SCN4B: variants seen among roughly 807,000 people sequenced by gnomAD.
SCN4B encodes sodium channel regulatory subunit beta-4.
In SCN4B, 20 loss-of-function variants were observed where a neutral mutation model predicts 19.6. The observed-to-expected ratio is 1.02, with a 90% CI of 0.72 to 1.48. The LOEUF (loss-of-function observed/expected upper bound fraction) is 1.48. SCN4B is among the 40% of genes most tolerant of loss of function. The pLI is 0.00. For synonymous variants in SCN4B, 127 were observed against 122.8 expected, an observed-to-expected ratio of 1.03 and a Z score of -0.22; for missense variants, 271 against 287.5, an observed-to-expected ratio of 0.94 and a Z score of 0.42.
At position 118,133,450 on chromosome 11, in the gene SCN4B, G is replaced by T; in HGVS notation, c.*3577C>A. On this transcript the variant is annotated 3_prime_UTR_variant, in exon 5 of 5. Coordinates refer to ENST00000324727, the MANE Select transcript of SCN4B (RefSeq NM_174934.4). ...CTACAATGCAAAACTTGTTGTAGAG[G>T]CCAGACTGATTATATCCGTTCTGTG... 1 of 449,620 alleles carries T rather than the reference G, an allele frequency of 2.2e-6. No homozygotes were observed. Among genetic ancestry groups the T allele is most frequent in the African/African-American group, 2.0e-5 (1 of 49,988 alleles). 27.9% of individuals were successfully genotyped at this position (449,620 alleles called of 1,614,324 possible). A position where few individuals can be genotyped will look rare whatever the true frequency, so the allele number is the denominator to read the frequency against.
In SCN4B at chr11:118,152,280, C is replaced by T. The variant is rs555417560; in HGVS notation, c.61+333G>A. ...TATCCCCTGCACTCAAGGCACGGAC[C>T]CCCCTCCTCCAGCATCCTGAACCTC... On this transcript the variant is annotated intron_variant, in intron 1 of 4. Transcript: ENST00000324727. 3.0e-3 allele frequency among the ~76,000 whole-genome samples: 450 copies of T among 152,256 alleles called. 4 individuals carry two copies. The highest frequency in any genetic ancestry group is 0.02 in the Middle Eastern group (6 of 294).
In SCN4B at chr11:118,137,137, A is replaced by C; in HGVS notation, c.594-17T>G. 1 of 1,580,650 alleles carries C rather than the reference A, an allele frequency of 6.3e-7. No homozygotes were observed. Among genetic ancestry groups the C allele is most frequent in the Non-Finnish European group, 8.7e-7 (1 of 1,149,664 alleles). ...CACTCCTTCCTGGAGAGGGAGAGAG[A>C]AGGGACAGTGGTGAGGAGAGGAGCA... On this transcript the variant is annotated splice_polypyrimidine_tract_variant and intron_variant, in intron 4 of 4. Transcript: ENST00000324727.
rs1289023010 is a variant in SCN4B at position 118,133,941 on chromosome 11, C to T, written c.*3086G>A. On this transcript the variant is annotated 3_prime_UTR_variant, in exon 5 of 5. Coordinates refer to ENST00000324727, the MANE Select transcript of SCN4B (RefSeq NM_174934.4). The stretch of plus-strand genomic sequence containing the variant: ...CCTCAAATGTCCAGCATCTGCCCAT[C>T]ATGCATCACCCCTTACATGCAGAGC... The T allele has an allele frequency of 2.2e-6, 1 of 454,486 alleles. No individual in the cohort carries two copies. The highest frequency in any genetic ancestry group is 4.4e-6 in the Non-Finnish European group (1 of 226,810). The allele number at this position is 454,486 out of a possible 1,614,324, so 28.2% of individuals were successfully genotyped here.
intron 4 of SCN4B, among the ~76,000 whole-genome samples, chr11:118,139,888 CTTTTTTTTT>C (rs5795120): frequency 1.4e-5 from 2 of 139,742 alleles, no homozygotes; most frequent in African/African-American, 5.3e-5. Context: ...TCTAGCATTC[CTTTTTTTTT>C]TTTCTTTTTT....
intron 1 of SCN4B, chr11:118,145,594 C>G (rs1948162622): frequency 3.3e-6 from 2 of 599,248 alleles, no homozygotes; most frequent in East Asian, 1.3e-4. Context: ...CGCACCCACT[C>G]CAGGACGCGC....
intron 3 of SCN4B, chr11:118,141,723 G>C: frequency 3.5e-6 from 1 of 289,552 alleles, no homozygotes; most frequent in Non-Finnish European, 6.7e-6. Flanking sequence ...AAAAAATTAA[G>C]AACCTCCCTA....
At chr11:118,142,556 C>T (rs1690191052) in intron 3 of SCN4B, among the ~76,000 whole-genome samples, 1 of 152,126 alleles carries the variant, frequency 6.6e-6, no homozygotes, top group African/African-American at 2.4e-5. Context: ...TTGGTATCTC[C>T]ATACACAGAA....
intron 1 of SCN4B, among the ~76,000 whole-genome samples, chr11:118,151,801 G>A (rs1948235169): frequency 1.3e-5 from 2 of 152,332 alleles, no homozygotes; most frequent in South Asian, 4.1e-4. Context: ...ATTACATCCT[G>A]GATGAATAAA....
Position 118,133,449 on chromosome 11 carries a change from G to A in SCN4B, c.*3578C>T, listed in dbSNP as rs1375405863. ...TCTACAATGCAAAACTTGTTGTAGA[G>A]GCCAGACTGATTATATCCGTTCTGT... On this transcript the variant is annotated 3_prime_UTR_variant, in exon 5 of 5. Transcript: ENST00000324727. 2.2e-6 allele frequency: 1 copy of A among 448,766 alleles called. No homozygotes were observed. The allele number at this position is 448,766 out of a possible 1,614,324, so 27.8% of individuals were successfully genotyped here. A position where few individuals can be genotyped will look rare whatever the true frequency, so the allele number is the denominator to read the frequency against.
At position 118,139,908 on chromosome 11, in the gene SCN4B, C is replaced by CTTTTTT. The variant is rs1172256719; in HGVS notation, c.593+1293_593+1298dup. On this transcript the variant is annotated intron_variant, in intron 4 of 4. Transcript: ENST00000324727. ...CATTCCTTTTTTTTTTTTCTTTTTT[C>CTTTTTT]TTTTTTTTTTTAAGAGACGAGCTCT... Among the ~76,000 whole-genome samples, 133 of 60,512 alleles carry CTTTTTT rather than the reference C, an allele frequency of 2.2e-3. 1 individual carries two copies. The highest frequency in any genetic ancestry group is 3.3e-3 in the Non-Finnish European group (78 of 23,918). The allele number at this position is 60,512 out of a possible 152,430, so 39.7% of individuals were successfully genotyped here.
intron 4 of SCN4B, 82 bp downstream of exon 4, chr11:118,141,125 G>A (rs1948091340): frequency 1.2e-5 from 18 of 1,547,238 alleles, no homozygotes; most frequent in South Asian, 3.3e-5. Flanking sequence ...GAGGAGGCAG[G>A]TGGAAGGCTG....
At chr11:118,152,570 G>A in intron 1 of SCN4B, 43 bp downstream of exon 1, 3 of 1,523,052 alleles carry the variant, frequency 2.0e-6, no homozygotes, top group African/African-American at 1.4e-5. Flanking sequence ...TTCTTTGGGG[G>A]TGGGGGGAGG....
rs773297545 is a variant in SCN4B, at chr11:118,148,786, A to G, written c.62-3557T>C. 1.8e-4 allele frequency among the ~76,000 whole-genome samples: 28 copies of G among 152,122 alleles called. 1 individual carries two copies. The highest frequency in any genetic ancestry group is 3.7e-4 in the Non-Finnish European group (25 of 67,988). On this transcript the variant is annotated intron_variant, in intron 1 of 4. Transcript: ENST00000324727. This position sits in a 1 kb window ranked among gnomAD's most constrained non-coding sequence, Gnocchi z 4.0. The stretch of plus-strand genomic sequence containing the variant: ...ACATTGATCTGTATTTTCACCCTCT[A>G]CCACTTCTTGGCTTATTTCCATGTG...
chr11:118,143,960 G>T lies in SCN4B; in HGVS notation c.336C>A (p.Asn112Lys). ...TLVGSTKEKM[N>K]NISIVLRDLE... ...GGTCCCTCAGCACAATGGAAATGTT[G>T]TTCATCTTCTCCTTAGTAGAGCCTA... Residue 112 changes from asparagine to lysine, a missense_variant, in exon 3 of 5, where the codon AAC (asparagine) becomes AAA (lysine). By Grantham distance (94) the Asn-to-Lys change is moderately conservative. Coordinates refer to ENST00000324727, the MANE Select transcript of SCN4B (RefSeq NM_174934.4). 1 of 1,614,064 alleles carries T rather than the reference G, an allele frequency of 6.2e-7. No individual in the cohort carries two copies. The highest frequency in any genetic ancestry group is 8.5e-7 in the Non-Finnish European group (1 of 1,179,918).
chr11:118,151,602 C>T (rs954137060), intron 1 of SCN4B, among the ~76,000 whole-genome samples: 15 of 152,242 alleles, frequency 9.9e-5, no homozygotes, highest in Admixed American at 2.6e-4. Context: ...AGTTTACATT[C>T]GCAGAAACAG....
intron 1 of SCN4B, among the ~76,000 whole-genome samples, chr11:118,150,805 A>G (rs553308159): frequency 6.6e-6 from 1 of 152,308 alleles, no homozygotes; most frequent in South Asian, 2.1e-4. Context: ...TCCCAAGCTC[A>G]GACCAATGCC....
intron 4 of SCN4B, 41 bp downstream of exon 4, chr11:118,141,166 G>A (rs1323552393): frequency 1.1e-5 from 18 of 1,611,664 alleles, no homozygotes; most frequent in Non-Finnish European, 1.4e-5. Context: ...AGAGGGTGGT[G>A]GGCTGCTGGG....
rs796130915 is a variant in SCN4B at position 118,134,012 on chromosome 11, C to T, written c.*3015G>A. On this transcript the variant is annotated 3_prime_UTR_variant, in exon 5 of 5. Coordinates refer to ENST00000324727, the MANE Select transcript of SCN4B (RefSeq NM_174934.4). ...CTGCCATGCACCCACACTGCCTGCA[C>T]ACGCACACTCCACACAAGCACACCC... The T allele has an allele frequency of 1.5e-5, 7 of 454,632 alleles. No individual in the cohort carries two copies. The highest frequency in any genetic ancestry group is 2.6e-5 in the Non-Finnish European group (6 of 226,798). The allele number at this position is 454,632 out of a possible 1,614,324, so 28.2% of individuals were successfully genotyped here.
intron 3 of SCN4B, among the ~76,000 whole-genome samples, chr11:118,143,533 C>G (rs1261041362): frequency 6.6e-6 from 1 of 152,184 alleles, no homozygotes; most frequent in Non-Finnish European, 1.5e-5. Flanking sequence ...GAAAACCCTA[C>G]TAGCCACAAA....
Sources: gnomAD v4.1 joint callset for allele counts (sites outside exome capture counted in the v4.1 genomes callset) on GRCh38, gnomAD v4.1.1 for gene constraint, Gnocchi (gnomAD v3.1) non-coding constraint, MANE v1.5 for transcripts, NCBI Gene and HGNC (gene_info 2026-07-23, HGNC 2026-07-21) for gene names.